The following MANBAL variants were observed in gnomAD, a reference collection of about 807,000 sequenced individuals.
MANBAL encodes mannosidase beta like, also known as protein MANBAL.
Under a neutral mutation model 6.4 loss-of-function variants are expected in MANBAL, and 1 was observed. The observed-to-expected ratio is 0.16, with a 90% CI of 0.06 to 0.74. The LOEUF is 0.74. Ranked by LOEUF, MANBAL falls within the 30% of genes least tolerant of loss-of-function variation. The pLI is 0.78. For synonymous variants in MANBAL, 47 were observed against 45.8 expected (o/e 1.03, Z -0.10); for missense variants, 100 against 107.8 (o/e 0.93, Z 0.32).
intron 2 of MANBAL, chr20:37,302,151 C>T (rs1012772914): frequency 1.0e-5 from 14 of 1,346,460 alleles, no homozygotes; most frequent in Middle Eastern, 1.8e-4. Flanking sequence ...CCCATTTGCT[C>T]GTGACATTGA....
At chr20:37,310,700 C>G (rs1026502007) in intron 2 of MANBAL, among the ~76,000 whole-genome samples, 1 of 152,192 alleles carries the variant, frequency 6.6e-6, no homozygotes, top group Admixed American at 6.5e-5. Flanking sequence ...CGCTGCAGAG[C>G]TGCTTCATTA....
At chr20:37,312,424 G>A (rs2069410347) in intron 2 of MANBAL, among the ~76,000 whole-genome samples, 2 of 152,182 alleles carry the variant, frequency 1.3e-5, no homozygotes, top group Non-Finnish European at 2.9e-5. Flanking sequence ...CAGGAAACCT[G>A]GGAGAGGCTG....
chr20:37,312,797 C>T (rs919745405), intron 2 of MANBAL, among the ~76,000 whole-genome samples: 4 of 152,166 alleles, frequency 2.6e-5, no homozygotes, highest in Non-Finnish European at 5.9e-5. Flanking sequence ...AAGCATGTGC[C>T]ACCACGCCCA....
At chr20:37,299,676 C>T (rs1175199105) in intron 1 of MANBAL, among the ~76,000 whole-genome samples, 1 of 152,096 alleles carries the variant, frequency 6.6e-6, no homozygotes, top group African/African-American at 2.4e-5. Context: ...CTGATGGGTG[C>T]TGTGGTAAAG....
chr20:37,304,565 A>G (rs2069214912), intron 2 of MANBAL, among the ~76,000 whole-genome samples: 1 of 152,210 alleles, frequency 6.6e-6, no homozygotes, highest in Non-Finnish European at 1.5e-5. Flanking sequence ...TATTAAACAC[A>G]GTTTTGCAAC....
intron 2 of MANBAL, among the ~76,000 whole-genome samples, chr20:37,303,243 CT>C (rs1391049682): frequency 2.0e-5 from 3 of 152,176 alleles, no homozygotes; most frequent in Non-Finnish European, 2.9e-5. Context: ...CTGCCCCAGT[CT>C]TGGAATCAGT....
intron 1 of MANBAL, among the ~76,000 whole-genome samples, chr20:37,299,814 A>G (rs2069090934): frequency 1.3e-5 from 2 of 152,220 alleles, no homozygotes; most frequent in South Asian, 4.1e-4. Context: ...GGGAAAGGAC[A>G]TTCTTTGCAG....
At chr20:37,308,192 T>C (rs2069300585) in intron 2 of MANBAL, among the ~76,000 whole-genome samples, 1 of 152,090 alleles carries the variant, frequency 6.6e-6, no homozygotes, top group Non-Finnish European at 1.5e-5. Flanking sequence ...TTGGGACAGC[T>C]GTGGCCAGTG....
chr20:37,293,487 C>T (rs1047856499), intron 1 of MANBAL, among the ~76,000 whole-genome samples: 4 of 152,094 alleles, frequency 2.6e-5, no homozygotes, highest in East Asian at 3.8e-4. Flanking sequence ...TGATGGGGAG[C>T]GGCTGTAAAT....
chr20:37,305,528 A>G (rs1314120947), intron 2 of MANBAL, among the ~76,000 whole-genome samples: 1 of 152,146 alleles, frequency 6.6e-6, no homozygotes, highest in Admixed American at 6.5e-5. Context: ...CCCCCTACCC[A>G]CTGCCATTTA....
At chr20:37,315,828 G>T (rs1398232770) in intron 2 of MANBAL, among the ~76,000 whole-genome samples, 1 of 152,272 alleles carries the variant, frequency 6.6e-6, no homozygotes, top group Non-Finnish European at 1.5e-5. Context: ...GCCACAGTGG[G>T]TCTGCCCCAT....
intron 1 of MANBAL, among the ~76,000 whole-genome samples, chr20:37,295,434 C>T (rs1224130616): frequency 1.3e-5 from 2 of 152,194 alleles, no homozygotes; most frequent in East Asian, 3.8e-4. Flanking sequence ...ATAATACCGG[C>T]CCTTAATGTG....
chr20:37,300,844 G>A (rs540836475), intron 1 of MANBAL, among the ~76,000 whole-genome samples: 83 of 152,224 alleles, frequency 5.5e-4, no homozygotes, highest in Non-Finnish European at 9.6e-4. Context: ...GTGTGTTCAA[G>A]TTAAAAGTCA....
chr20:37,302,252 C>T lies in MANBAL; in HGVS notation c.150+839C>T, dbSNP rs575496619. 1.6e-5 allele frequency: 25 copies of T among 1,550,576 alleles called. No homozygotes were observed. In the African/African-American group the frequency reaches 3.3e-4, roughly 20 times the overall value. ...CTCTGTGGTGTCATTTAACGTGTTT[C>T]TCTGTTCCCTGTGTTTCCTGTCAAC... On this transcript the variant is annotated intron_variant, in intron 2 of 2. Coordinates refer to ENST00000373606, the MANE Select transcript of MANBAL (RefSeq NM_001003897.2).
In MANBAL at chr20:37,315,328, G is replaced by A. The variant is rs543638863; in HGVS notation, c.151-980G>A. On this transcript the variant is annotated intron_variant, in intron 2 of 2. Coordinates refer to ENST00000373606, the MANE Select transcript of MANBAL (RefSeq NM_001003897.2). ...TGGTTGGCGTTCTCTGGGCTAGCCC[G>A]GCCTCTCTGACGTCCGTCCTTTCTG... Among the ~76,000 whole-genome samples, 3 of 152,304 alleles carry A rather than the reference G, an allele frequency of 2.0e-5. No homozygotes were observed. In the East Asian group the frequency reaches 5.8e-4, roughly 29 times the overall value.
intron 2 of MANBAL, among the ~76,000 whole-genome samples, chr20:37,312,862 A>G (rs1014897159): frequency 6.6e-6 from 1 of 152,184 alleles, no homozygotes; most frequent in Non-Finnish European, 1.5e-5. Context: ...CAGGGTATGT[A>G]TATTCGGTTT....
At chr20:37,301,870 G>A (rs766745742) in intron 2 of MANBAL, among the ~76,000 whole-genome samples, 2 of 152,202 alleles carry the variant, frequency 1.3e-5, no homozygotes, top group African/African-American at 2.4e-5. Context: ...AGTGGGCAAG[G>A]GGCGAGGACA....
At chr20:37,296,164 G>A (rs1568598456) in intron 1 of MANBAL, among the ~76,000 whole-genome samples, 1 of 152,180 alleles carries the variant, frequency 6.6e-6, no homozygotes, top group Non-Finnish European at 1.5e-5. Flanking sequence ...GTTTTCAACA[G>A]CCACATGTGG....
chr20:37,299,032 A>G (rs2069069143), intron 1 of MANBAL, among the ~76,000 whole-genome samples: 1 of 136,182 alleles, frequency 7.3e-6, no homozygotes, highest in Non-Finnish European at 1.6e-5. Flanking sequence ...GTAACCCACC[A>G]TGCCCAGCCA....
Sources: allele counts gnomAD v4.1 joint callset (sites outside exome capture counted in the v4.1 genomes callset), GRCh38; gene constraint gnomAD v4.1.1; transcripts MANE v1.5; gene names NCBI Gene and HGNC (gene_info 2026-07-23, HGNC 2026-07-21).